Variants in BIRC2 observed in about 807,000 individuals in gnomAD.
The protein encoded by BIRC2 is baculoviral IAP repeat containing 2.
In BIRC2, 18 loss-of-function variants were observed where a neutral mutation model predicts 60.9. That is an observed-to-expected ratio of 0.30 (90% CI 0.20 to 0.44). The LOEUF is 0.44. Ranked by LOEUF, BIRC2 falls within the 20% of genes least tolerant of loss-of-function variation. The probability of loss-of-function intolerance (pLI) is 1.00; values close to 1 mark genes in which losing one functional copy is unlikely to be tolerated. For synonymous variants in BIRC2, 282 were observed against 247.7 expected, an observed-to-expected ratio of 1.14 and a Z score of -1.30; for missense variants, 701 against 728.5, an observed-to-expected ratio of 0.96 and a Z score of 0.43.
At chr11:102,347,778 C>T (rs1781812159) in intron 1 of BIRC2, 1 of 152,156 alleles carries the variant, frequency 6.6e-6, no homozygotes, top group Non-Finnish European at 1.5e-5. Flanking sequence ...TCATAGTTGC[C>T]ACTGCGCTCT....
rs1311662778 is a variant in BIRC2, at chr11:102,355,933, T to G, written c.995+4990T>G. 2.6e-5 allele frequency among the ~76,000 whole-genome samples: 4 copies of G among 152,314 alleles called. No individual in the cohort carries two copies. The South Asian group carries it at 6.2e-4, about 24-fold the overall frequency. On this transcript the variant is annotated intron_variant, in intron 3 of 8. Transcript: ENST00000227758. ...CAGATAGTTCATTGTTAGTACTGAC[T>G]TTTGTAAGTTGGTTTTGTATCCTAC...
rs1404849990 is a variant in BIRC2 at position 102,373,185 on chromosome 11, C to T, written c.1367-4311C>T. Among the ~76,000 whole-genome samples, 273 of 151,960 alleles carry T rather than the reference C, an allele frequency of 1.8e-3. 1 individual carries two copies. Among genetic ancestry groups the T allele is most frequent in the African/African-American group, 5.8e-3 (241 of 41,406 alleles). ...CATTTACATTTAAAGTTAATATTGT[C>T]ATGTGTGAATTTGATCCTGTCATTA... On this transcript the variant is annotated intron_variant, in intron 6 of 8. Coordinates refer to ENST00000227758, the MANE Select transcript of BIRC2 (RefSeq NM_001166.5).
rs531211900 is a variant in BIRC2, at chr11:102,375,659, A to T, written c.1367-1837A>T. Among the ~76,000 whole-genome samples, 171 of 152,188 alleles carry T rather than the reference A, an allele frequency of 1.1e-3. 1 individual carries two copies. The highest frequency in any genetic ancestry group is 2.0e-3 in the Non-Finnish European group (138 of 68,012). ...GCCGGGCATGGTGGCGGATGCCTGT[A>T]GTCCCAGCTATTCGGGAGGCTGAGG... is the stretch of plus-strand genomic sequence containing the variant. On this transcript the variant is annotated intron_variant, in intron 6 of 8. Coordinates refer to ENST00000227758, the MANE Select transcript of BIRC2 (RefSeq NM_001166.5).
chr11:102,372,092 A>G (rs1462146263), intron 6 of BIRC2, among the ~76,000 whole-genome samples: 3 of 151,614 alleles, frequency 2.0e-5, no homozygotes, highest in African/African-American at 7.3e-5. Flanking sequence ...CGGTCTATCT[A>G]TTTTGTTGAT....
At chr11:102,365,977 T>A (rs901152361) in intron 5 of BIRC2, among the ~76,000 whole-genome samples, 2 of 152,194 alleles carry the variant, frequency 1.3e-5, no homozygotes, top group African/African-American at 4.8e-5. Flanking sequence ...TCCTGAACAA[T>A]TTCCTTTGTT....
chr11:102,367,599 A>G (rs1378649203), intron 5 of BIRC2, among the ~76,000 whole-genome samples: 1 of 152,250 alleles, frequency 6.6e-6, no homozygotes, highest in Non-Finnish European at 1.5e-5. Context: ...CATATGGGCT[A>G]GCATTGACTC....
In BIRC2 at chr11:102,375,232, A is replaced by T. The variant is rs576313452; in HGVS notation, c.1367-2264A>T. ...TTTGTTGAGCATGAGCACCAGTGCC[A>T]AATACTGTGCCTAATCACAGTGGTT... On this transcript the variant is annotated intron_variant, in intron 6 of 8. Coordinates refer to ENST00000227758, the MANE Select transcript of BIRC2 (RefSeq NM_001166.5). 2.2e-3 allele frequency among the ~76,000 whole-genome samples: 336 copies of T among 152,342 alleles called. 1 individual carries two copies. The highest frequency in any genetic ancestry group is 7.6e-3 in the African/African-American group (315 of 41,594).
At position 102,368,432 on chromosome 11, in the gene BIRC2, T is replaced by A; in HGVS notation, c.1250T>A (p.Ile417Asn). The A allele has an allele frequency of 6.2e-7, 1 of 1,613,948 alleles. No homozygotes were observed. The change falls in exon 6 of 9, where the codon ATC becomes AAC. Residue 417 changes from isoleucine to asparagine, a missense_variant. By Grantham distance (149) the Ile-to-Asn change is moderately radical. This residue lies in a region of BIRC2 where 235 missense variants were observed against 208.9 expected (regional missense o/e 1.12). Transcript: ENST00000227758. The part of the protein sequence containing the change: ...DLVKQTVQSK[I>N]LTTGENYKTV... ...GTGAAACAAACAGTTCAAAGTAAAATCCTGACAACTGGAGAGAACTATAAA... is the reference window on the plus strand; with the variant it reads ...GTGAAACAAACAGTTCAAAGTAAAAACCTGACAACTGGAGAGAACTATAAA...
chr11:102,377,233 A>G (rs1029215079), intron 6 of BIRC2, among the ~76,000 whole-genome samples: 2 of 152,198 alleles, frequency 1.3e-5, no homozygotes, highest in Middle Eastern at 3.2e-3. Flanking sequence ...GGAAATTTTT[A>G]CTGTCTTCTA....
intron 1 of BIRC2, chr11:102,348,160 C>T (rs1199761973): frequency 6.6e-6 from 1 of 152,186 alleles, no homozygotes; most frequent in East Asian, 1.9e-4. Flanking sequence ...TTTTCCTAGT[C>T]GTGGAGAGAC....
rs199529630 is a variant in BIRC2 at position 102,350,663 on chromosome 11, C to T, written c.809C>T (p.Ala270Val). 1.2e-6 allele frequency: 2 copies of T among 1,613,884 alleles called. No individual in the cohort carries two copies. The highest frequency in any genetic ancestry group is 2.2e-5 in the East Asian group (1 of 44,892). ...SISNLSMQTH[A>V]ARMRTFMYWP... is the part of the protein sequence containing the mutation. ...TCAAATCTGAGCATGCAGACACATG[C>T]AGCTCGAATGAGAACATTTATGTAC... The change falls in exon 2 of 9, where the codon GCA (alanine) becomes GTA (valine). Residue 270 changes from alanine (A) to valine (V), a missense_variant. Physicochemically the swap from Ala to Val is moderately conservative, Grantham distance 64. This residue lies in a region of BIRC2 where 375 missense variants were observed against 365.9 expected (regional missense o/e 1.02). Coordinates refer to ENST00000227758, the MANE Select transcript of BIRC2 (RefSeq NM_001166.5).
chr11:102,377,765 A>G lies in BIRC2; in HGVS notation c.1621+15A>G. Reference sequence around the variant, plus strand: ...GAACTTATTTGGTGAGTTTGTTGGGAAAATTATTTTAGAAATTCTTAGGAC... The same window carrying G: ...GAACTTATTTGGTGAGTTTGTTGGGGAAATTATTTTAGAAATTCTTAGGAC... On this transcript the variant is annotated intron_variant, in intron 7 of 8. Coordinates refer to ENST00000227758, the MANE Select transcript of BIRC2 (RefSeq NM_001166.5). The G allele has an allele frequency of 4.4e-6, 7 of 1,592,892 alleles. No homozygotes were observed. The highest frequency in any genetic ancestry group is 6.0e-6 in the Non-Finnish European group (7 of 1,175,380).
intron 8 of BIRC2, 35 bp downstream of exon 8, chr11:102,377,933 A>C (rs948462840): frequency 5.6e-6 from 9 of 1,602,026 alleles, no homozygotes; most frequent in Non-Finnish European, 6.8e-6. Context: ...ATGAACTATT[A>C]CCCTTTTTTT....
chr11:102,368,007 T>A (rs1951572954), intron 5 of BIRC2, among the ~76,000 whole-genome samples: 1 of 152,222 alleles, frequency 6.6e-6, no homozygotes, highest in South Asian at 2.1e-4. Flanking sequence ...TCAGAATCAT[T>A]TGGGAAATAT....
In BIRC2 at chr11:102,377,694, A is replaced by G. The variant is rs1951730199; in HGVS notation, c.1565A>G (p.Asn522Ser). ...TILVKGNAAA[N>S]IFKNCLKEID... ...TTGGTTAAAGGAAATGCTGCGGCCA[A>G]CATCTTCAAAAACTGTCTAAAAGAA... Residue 522 changes from asparagine (N) to serine (S), a missense_variant, in exon 7 of 9, where the codon AAC (asparagine) becomes AGC (serine). Physicochemically the swap from Asn to Ser is conservative, Grantham distance 46. Coordinates refer to ENST00000227758, the MANE Select transcript of BIRC2 (RefSeq NM_001166.5). The G allele has an allele frequency of 1.9e-6, 3 of 1,610,564 alleles. No individual in the cohort carries two copies. The highest frequency in any genetic ancestry group is 1.3e-5 in the African/African-American group (1 of 74,724).
At chr11:102,361,722 C>A (rs1018660345) in intron 3 of BIRC2, among the ~76,000 whole-genome samples, 5 of 152,154 alleles carry the variant, frequency 3.3e-5, no homozygotes, top group Admixed American at 3.3e-4. Flanking sequence ...CCACTGAGGA[C>A]TGTAATGGCA....
At chr11:102,362,829 T>A in intron 3 of BIRC2, 67 bp from the exon 4 acceptor site, 1 of 1,262,158 alleles carries the variant, frequency 7.9e-7, no homozygotes. Flanking sequence ...AAGCCATTTT[T>A]CTAGAATGAT....
intron 2 of BIRC2, 27 bp from the exon 3 acceptor site, chr11:102,350,817 C>T: frequency 1.2e-5 from 20 of 1,611,168 alleles, no homozygotes; most frequent in Non-Finnish European, 1.7e-5. Flanking sequence ...TACGTGTTTT[C>T]AATATTTAGT....
At chr11:102,369,286 G>C (rs1485354073) in intron 6 of BIRC2, among the ~76,000 whole-genome samples, 4 of 146,226 alleles carry the variant, frequency 2.7e-5, no homozygotes, top group Non-Finnish European at 6.0e-5. Context: ...CTAGCATTAG[G>C]TATATCTCCC....
Sources: gnomAD v4.1 joint callset for allele counts (sites outside exome capture counted in the v4.1 genomes callset) on GRCh38, gnomAD v4.1.1 for gene constraint, gnomAD v4.1.1 regional missense constraint, MANE v1.5 for transcripts, NCBI Gene and HGNC (gene_info 2026-07-23, HGNC 2026-07-21) for gene names.